The following PRDM5 variants were observed in gnomAD, a reference collection of about 807,000 sequenced individuals.
PRDM5 encodes PR domain zinc finger protein 5.
A neutral mutation model predicts 81.2 loss-of-function variants in PRDM5; 56 were observed. The observed-to-expected ratio is 0.69, with a 90% CI of 0.56 to 0.86. The LOEUF (loss-of-function observed/expected upper bound fraction) is 0.86, where lower values mean the gene tolerates loss of function less well. PRDM5 is among the 40% of genes least tolerant of loss of function. The pLI, the probability that PRDM5 is intolerant of heterozygous loss-of-function variation, is 0.00. For synonymous variants in PRDM5, 267 were observed against 256.4 expected (o/e 1.04, Z -0.39); for missense variants, 697 against 770.1 (o/e 0.91, Z 1.12).
Position 120,777,248 on chromosome 4 carries a change from A to G in PRDM5, c.1477T>C (p.Tyr493His), listed in dbSNP as rs754918140. The G allele has an allele frequency of 3.1e-6, 5 of 1,613,346 alleles. No individual in the cohort carries two copies. Among genetic ancestry groups the G allele is most frequent in the Non-Finnish European group, 4.2e-6 (5 of 1,179,548 alleles). The change falls in exon 13 of 16, where the codon TAT (tyrosine) becomes CAT (histidine). Residue 493 changes from tyrosine (Y) to histidine (H), a missense_variant. Tyr to His is a moderately conservative substitution (Grantham distance 83, BLOSUM62 2). Around this residue, in one of 3 missense-constraint regions of PRDM5, gnomAD observed 577 missense variants for 606.7 expected, o/e 0.95. Transcript: ENST00000264808. ...CTGCTGGCAAATTTCTGGCCACAAT[A>G]TGGACAGATTTTCTCCTTTTCTCCT... ...HTGEKEKICP[Y>H]CGQKFASSGT...
chr4:120,716,256 A>G (rs909962247), intron 14 of PRDM5, among the ~76,000 whole-genome samples: 5 of 152,188 alleles, frequency 3.3e-5, no homozygotes, highest in African/African-American at 1.2e-4. Flanking sequence ...TCTCCTTCAC[A>G]ATATACTACA....
At chr4:120,904,189 C>A (rs77769432) in intron 2 of PRDM5, among the ~76,000 whole-genome samples, 26 of 42,586 alleles carry the variant, frequency 6.1e-4, no homozygotes, top group African/African-American at 1.7e-3. Flanking sequence ...GACTCCTTCT[C>A]AAAAAAAAAA....
At chr4:120,898,449 T>C (rs1579167781) in intron 2 of PRDM5, among the ~76,000 whole-genome samples, 1 of 152,324 alleles carries the variant, frequency 6.6e-6, no homozygotes, top group South Asian at 2.1e-4. Flanking sequence ...TTCTGTGTCC[T>C]CAAAGAGTAA....
chr4:120,910,583 G>A (rs1766394480), intron 1 of PRDM5, among the ~76,000 whole-genome samples: 1 of 152,164 alleles, frequency 6.6e-6, no homozygotes, highest in African/African-American at 2.4e-5. Context: ...TTCTACCTCA[G>A]TGGACTTCAG....
chr4:120,893,261 A>G (rs1031307616), intron 2 of PRDM5, among the ~76,000 whole-genome samples: 2 of 152,104 alleles, frequency 1.3e-5, no homozygotes, highest in Non-Finnish European at 2.9e-5. Context: ...CATGTCCGAG[A>G]GGTTCTCCTG....
chr4:120,761,874 A>G (rs540754941), intron 13 of PRDM5, among the ~76,000 whole-genome samples: 1 of 152,290 alleles, frequency 6.6e-6, no homozygotes, highest in South Asian at 2.1e-4. Flanking sequence ...TAATATGTTA[A>G]TAATGACCAT....
chr4:120,920,776 T>C (rs1236070550), intron 1 of PRDM5, among the ~76,000 whole-genome samples: 1 of 152,228 alleles, frequency 6.6e-6, no homozygotes, highest in Non-Finnish European at 1.5e-5. Flanking sequence ...AAATATGATC[T>C]GGATGAAAAT....
rs552542391 is a variant in PRDM5 at position 120,710,537 on chromosome 4, T to C, written c.1624-124A>G. 109 of 801,262 alleles carry C rather than the reference T, an allele frequency of 1.4e-4. No individual in the cohort carries two copies. In the African/African-American group the frequency reaches 1.4e-3, roughly 11 times the overall value. 49.6% of individuals were successfully genotyped at this position (801,262 alleles called of 1,614,324 possible). ...CAGCAAATTTACAGGTATGCTGATA[T>C]GGTTTGGCTGTGCCCCACCCAAATT... On this transcript the variant is annotated intron_variant, in intron 14 of 15. Transcript: ENST00000264808.
rs1183346299 is a variant in PRDM5 at position 120,745,400 on chromosome 4, C to T, written c.1623+9153G>A. Among the ~76,000 whole-genome samples the T allele has an allele frequency of 3.8e-3, 524 of 138,222 alleles. 18 individuals are homozygous for T. Among genetic ancestry groups the T allele is most frequent in the Admixed American group, 0.036 (486 of 13,624 alleles). The allele number at this position is 138,222 out of a possible 152,430, so 90.7% of individuals were successfully genotyped here. On this transcript the variant is annotated intron_variant, in intron 14 of 15. Transcript: ENST00000264808. The stretch of plus-strand genomic sequence containing the variant: ...ACAGGGATGCCCTCTCTCACCACTC[C>T]TATTCAACATAGTGTTGGAAGTTCT...
At chr4:120,918,580 G>T (rs1724493189) in intron 1 of PRDM5, among the ~76,000 whole-genome samples, 2 of 131,716 alleles carry the variant, frequency 1.5e-5, no homozygotes, top group African/African-American at 2.8e-5. Context: ...TTTGACTTTT[G>T]TTTTAAAATC....
intron 13 of PRDM5, among the ~76,000 whole-genome samples, chr4:120,766,085 G>A (rs1388257102): frequency 3.3e-5 from 5 of 151,718 alleles, no homozygotes; most frequent in African/African-American, 1.2e-4. Context: ...TCAGCCTCAT[G>A]AGTAGCTGGG....
intron 2 of PRDM5, among the ~76,000 whole-genome samples, chr4:120,862,714 C>G (rs1760744187): frequency 6.6e-6 from 1 of 152,134 alleles, no homozygotes. Flanking sequence ...TGTTGAACAC[C>G]TGTCTTCCTT....
At chr4:120,715,185 C>T (rs532146388) in intron 14 of PRDM5, among the ~76,000 whole-genome samples, 2 of 152,286 alleles carry the variant, frequency 1.3e-5, no homozygotes, top group South Asian at 4.1e-4. Flanking sequence ...TCAACTTGAA[C>T]TTATCACTCA....
At chr4:120,866,341 C>G (rs1489477498) in intron 2 of PRDM5, among the ~76,000 whole-genome samples, 2 of 152,168 alleles carry the variant, frequency 1.3e-5, no homozygotes, top group Admixed American at 6.5e-5. Flanking sequence ...ATGAAAGATT[C>G]CTATTTGGGT....
At chr4:120,708,535 T>C (rs1736512946) in intron 15 of PRDM5, among the ~76,000 whole-genome samples, 1 of 152,028 alleles carries the variant, frequency 6.6e-6, no homozygotes, top group Non-Finnish European at 1.5e-5. Context: ...TTTGTGGCAA[T>C]GAAAATATTT....
At chr4:120,840,231 T>G (rs1357546179) in intron 3 of PRDM5, among the ~76,000 whole-genome samples, 1 of 152,122 alleles carries the variant, frequency 6.6e-6, no homozygotes, top group African/African-American at 2.4e-5. Flanking sequence ...GGGCCAGCAT[T>G]TGGGGTAAGA....
intron 1 of PRDM5, among the ~76,000 whole-genome samples, chr4:120,916,458 A>G (rs1231125175): frequency 6.6e-6 from 1 of 152,160 alleles, no homozygotes; most frequent in Non-Finnish European, 1.5e-5. Flanking sequence ...AGAGGTACAT[A>G]ACAAAGACAA....
At chr4:120,704,353 G>A (rs1735806461) in intron 15 of PRDM5, among the ~76,000 whole-genome samples, 2 of 152,084 alleles carry the variant, frequency 1.3e-5, no homozygotes, top group African/African-American at 4.8e-5. Context: ...TACAAACAGG[G>A]GAGAGCAAAA....
At chr4:120,868,814 T>C (rs1249745683) in intron 2 of PRDM5, among the ~76,000 whole-genome samples, 1 of 152,134 alleles carries the variant, frequency 6.6e-6, no homozygotes, top group Non-Finnish European at 1.5e-5. Context: ...GAACTAATTC[T>C]ACACTCTCTT....
Sources: allele counts gnomAD v4.1 joint callset (sites outside exome capture counted in the v4.1 genomes callset), GRCh38; gene constraint gnomAD v4.1.1; regional missense constraint gnomAD v4.1.1; transcripts MANE v1.5; gene names NCBI Gene and HGNC (gene_info 2026-07-23, HGNC 2026-07-21).